The following RTN4 variants were observed in gnomAD, a reference collection of about 807,000 sequenced individuals.
The protein encoded by RTN4 is reticulon 4, also known as reticulon-4.
In RTN4, 32 loss-of-function variants were observed where a neutral mutation model predicts 90.4. That is an observed-to-expected ratio of 0.35 (90% CI 0.27 to 0.48). The LOEUF is 0.48. RTN4 is among the 20% of genes least tolerant of loss of function. The probability of loss-of-function intolerance (pLI) is 0.99; values close to 1 mark genes in which losing one functional copy is unlikely to be tolerated. For synonymous variants in RTN4, 629 were observed against 552.5 expected, an observed-to-expected ratio of 1.14 and a Z score of -1.94; for missense variants, 1,706 against 1,430.2, an observed-to-expected ratio of 1.19 and a Z score of -3.11.
chr2:55,077,848 C>A (rs776624516), intron 2 of RTN4, among the ~76,000 whole-genome samples: 3 of 151,564 alleles, frequency 2.0e-5, no homozygotes, highest in Non-Finnish European at 2.9e-5. Flanking sequence ...ATGGCATTTG[C>A]AGGAGCCTGG....
intron 3 of RTN4, among the ~76,000 whole-genome samples, chr2:55,017,403 A>G (rs1681120621): frequency 6.6e-6 from 1 of 152,212 alleles, no homozygotes; most frequent in Non-Finnish European, 1.5e-5. Context: ...TACCTAGACA[A>G]ACAAGCCCTT....
chr2:55,033,893 ATTC>A (rs1323366113), intron 1 of RTN4, among the ~76,000 whole-genome samples: 2 of 152,200 alleles, frequency 1.3e-5, no homozygotes, highest in African/African-American at 2.4e-5. Context: ...AAACATTACA[ATTC>A]TTCTAGCTAT....
chr2:55,026,363 A>G lies in RTN4; in HGVS notation c.1736T>C (p.Leu579Ser), dbSNP rs1681873028. The G allele has an allele frequency of 6.2e-7, 1 of 1,613,804 alleles. No homozygotes were observed. Among genetic ancestry groups the G allele is most frequent in the African/African-American group, 1.3e-5 (1 of 74,880 alleles). ...TTGCATAACTTCTGATGTTTGAACC[A>G]AGTCCATTTTTGTTTCATAAGCAAT... ...TKIAYETKMD[L>S]VQTSEVMQES... The change falls in exon 3 of 9, where the codon TTG becomes TCG. Residue 579 changes from leucine (L) to serine (S), a missense_variant. Physicochemically the swap from Leu to Ser is moderately radical, Grantham distance 145. Coordinates refer to ENST00000337526, the MANE Select transcript of RTN4 (RefSeq NM_020532.5).
At chr2:55,048,032 C>A (rs1165839397) in intron 1 of RTN4, among the ~76,000 whole-genome samples, 1 of 152,232 alleles carries the variant, frequency 6.6e-6, no homozygotes, top group Non-Finnish European at 1.5e-5. Flanking sequence ...GAGCCTACTA[C>A]ATACCTATAT....
rs1001705573 is a variant in RTN4 at position 54,976,506 on chromosome 2, C to T, written c.3361-1742G>A. On this transcript the variant is annotated intron_variant, in intron 5 of 8. Coordinates refer to ENST00000337526, the MANE Select transcript of RTN4 (RefSeq NM_020532.5). Reference sequence around the variant, plus strand: ...GGGGCACTTACAACCCTGCTCCATACGCTGTGGCCATGCAAATATTCCAGG... The same window carrying T: ...GGGGCACTTACAACCCTGCTCCATATGCTGTGGCCATGCAAATATTCCAGG... Among the ~76,000 whole-genome samples, 22 of 152,192 alleles carry T rather than the reference C, an allele frequency of 1.4e-4. 1 individual carries two copies. Among genetic ancestry groups the T allele is most frequent in the Admixed American group, 1.2e-3 (19 of 15,280 alleles).
At chr2:55,065,184 C>T (rs917812974) in intron 2 of RTN4, among the ~76,000 whole-genome samples, 3 of 152,176 alleles carry the variant, frequency 2.0e-5, no homozygotes, top group African/African-American at 7.2e-5. Context: ...AATCCACTGG[C>T]ATGCCAATAT....
the RTN4 span, among the ~76,000 whole-genome samples, chr2:55,136,822 C>G: frequency 6.6e-6 from 1 of 152,188 alleles, no homozygotes. Context: ...CCAGGCTGTC[C>G]ACTTCCCTGA....
chr2:55,136,271 G>C, the RTN4 span, among the ~76,000 whole-genome samples: 6 of 152,206 alleles, frequency 3.9e-5, no homozygotes, highest in African/African-American at 1.4e-4. Flanking sequence ...CCTCAAGTGA[G>C]CATGTGCAAA....
chr2:54,996,117 T>A (rs1019144732), intron 3 of RTN4, among the ~76,000 whole-genome samples: 1 of 151,994 alleles, frequency 6.6e-6, no homozygotes, highest in African/African-American at 2.4e-5. Flanking sequence ...TGTAATAGCA[T>A]AGAAAAAATA....
intron 1 of RTN4, among the ~76,000 whole-genome samples, chr2:55,093,560 C>T (rs1222310767): frequency 3.3e-5 from 5 of 152,162 alleles, no homozygotes. Context: ...AGAGGTGATG[C>T]TTCTTCCGGA....
At chr2:54,981,282 T>C (rs560077748) in intron 5 of RTN4, among the ~76,000 whole-genome samples, 2 of 141,762 alleles carry the variant, frequency 1.4e-5, no homozygotes, top group Non-Finnish European at 3.2e-5. Context: ...AAAATGTTTT[T>C]GTTTTTTTTT....
intron 2 of RTN4, among the ~76,000 whole-genome samples, chr2:55,064,708 A>T (rs1474775961): frequency 2.0e-5 from 3 of 152,314 alleles, no homozygotes. Context: ...AAAAATACCG[A>T]GACTGTGAAA....
intron 3 of RTN4, among the ~76,000 whole-genome samples, chr2:54,997,440 T>C (rs1679519095): frequency 2.0e-5 from 3 of 152,158 alleles, no homozygotes; most frequent in Non-Finnish European, 4.4e-5. Context: ...TGAAAAACAA[T>C]TTGGCAGTTC....
chr2:55,132,802 AGACCGTCTCTCAAAAAAAAAAAAAAAAT>A, the RTN4 span, among the ~76,000 whole-genome samples: 1 of 120,754 alleles, frequency 8.3e-6, no homozygotes, highest in Non-Finnish European at 1.7e-5. Flanking sequence ...CCACAGAGTG[AGACCGTCTCTCAAAAAAAAAAAAAAAAT>A]TGAAAATTAA....
chr2:55,113,330 A>ATGTGGTTTCTGGGGTTT (rs1243283256), upstream of RTN4, among the ~76,000 whole-genome samples: 1 of 152,192 alleles, frequency 6.6e-6, no homozygotes, highest in Non-Finnish European at 1.5e-5. Flanking sequence ...TGTGGTTTCT[A>ATGTGGTTTCTGGGGTTT]CAGACTGGGG....
intron 2 of RTN4, among the ~76,000 whole-genome samples, chr2:55,063,271 G>T (rs1047291473): frequency 2.6e-5 from 4 of 152,200 alleles, no homozygotes; most frequent in Admixed American, 6.5e-5. Context: ...TAGGTGAGGC[G>T]GGAAAGCCTT....
At chr2:55,131,429 A>T in the RTN4 span, among the ~76,000 whole-genome samples, 9 of 149,716 alleles carry the variant, frequency 6.0e-5, no homozygotes, top group South Asian at 1.7e-3. Context: ...GGCTGGTCCT[A>T]ACTCCTGGAA....
At chr2:55,065,685 A>G (rs913574361) in intron 2 of RTN4, among the ~76,000 whole-genome samples, 2 of 152,202 alleles carry the variant, frequency 1.3e-5, no homozygotes, top group African/African-American at 4.8e-5. Flanking sequence ...ACACACGCAA[A>G]GGATGCAGTA....
chr2:55,037,418 C>T (rs1682767272), intron 1 of RTN4, among the ~76,000 whole-genome samples: 1 of 152,186 alleles, frequency 6.6e-6, no homozygotes, highest in African/African-American at 2.4e-5. Context: ...CAACTAGCAG[C>T]CATGCTTATT....
Sources: allele counts gnomAD v4.1 joint callset (sites outside exome capture counted in the v4.1 genomes callset), GRCh38; gene constraint gnomAD v4.1.1; transcripts MANE v1.5; gene names NCBI Gene and HGNC (gene_info 2026-07-23, HGNC 2026-07-21).